KCNAB1: variants seen among roughly 807,000 people sequenced by gnomAD.
KCNAB1 encodes potassium voltage-gated channel subfamily A regulatory beta subunit 1, also known as voltage-gated potassium channel subunit beta-1.
A neutral mutation model predicts 64.6 loss-of-function variants in KCNAB1; 35 were observed. The observed-to-expected ratio is 0.54, with a 90% confidence interval of 0.41 to 0.72. The LOEUF is 0.72. Ranked by LOEUF, KCNAB1 falls within the 30% of genes least tolerant of loss-of-function variation. The pLI, the probability that KCNAB1 is intolerant of heterozygous loss-of-function variation, is 0.00. For missense variants in KCNAB1, 401 were observed against 512.9 expected (o/e 0.78, Z 2.11); for synonymous variants, 177 against 183.8 (o/e 0.96, Z 0.30).
intron 13 of KCNAB1, among the ~76,000 whole-genome samples, chr3:156,532,128 T>G (rs1237504407): frequency 6.6e-6 from 1 of 152,196 alleles, no homozygotes; most frequent in African/African-American, 2.4e-5. Flanking sequence ...ATTTTGGACT[T>G]CCAGGATCAC....
At chr3:156,329,013 T>A (rs1000496938) in intron 1 of KCNAB1, among the ~76,000 whole-genome samples, 21 of 152,112 alleles carry the variant, frequency 1.4e-4, no homozygotes, top group African/African-American at 4.8e-4. Flanking sequence ...CTATAGTGAG[T>A]TCTTTTCTAA....
intron 1 of KCNAB1, among the ~76,000 whole-genome samples, chr3:156,248,563 T>A (rs1717609828): frequency 6.6e-6 from 1 of 150,804 alleles, no homozygotes; most frequent in South Asian, 2.1e-4. Flanking sequence ...GTAAGTACTA[T>A]AGAATGAATG....
intron 1 of KCNAB1, among the ~76,000 whole-genome samples, chr3:156,371,011 C>A (rs1691172375): frequency 6.6e-6 from 1 of 152,184 alleles, no homozygotes; most frequent in Non-Finnish European, 1.5e-5. Flanking sequence ...TTGGATGGTC[C>A]TGTGTTCCAT....
At chr3:156,504,756 T>TC in intron 8 of KCNAB1, among the ~76,000 whole-genome samples, 1 of 151,024 alleles carries the variant, frequency 6.6e-6, no homozygotes, top group East Asian at 1.9e-4. Flanking sequence ...TTTTTGTTTT[T>TC]TTTTTTTTGC....
At chr3:156,172,297 G>A (rs879824543) in intron 1 of KCNAB1, among the ~76,000 whole-genome samples, 1 of 66,156 alleles carries the variant, frequency 1.5e-5, no homozygotes, top group East Asian at 5.7e-4. Flanking sequence ...TTTTTTTTTT[G>A]GAGACAGAGT....
chr3:156,392,459 T>TA (rs1251425255), intron 1 of KCNAB1, among the ~76,000 whole-genome samples: 5 of 152,212 alleles, frequency 3.3e-5, no homozygotes, highest in African/African-American at 1.2e-4. Context: ...ATCACTCACT[T>TA]ACTAATTTCT....
At chr3:156,513,807 C>G (rs1044949741) in intron 8 of KCNAB1, among the ~76,000 whole-genome samples, 6 of 152,154 alleles carry the variant, frequency 3.9e-5, no homozygotes, top group African/African-American at 1.4e-4. Context: ...AAGCTGTGAG[C>G]CACGGTGACT....
intron 1 of KCNAB1, among the ~76,000 whole-genome samples, chr3:156,282,158 A>G (rs1262871621): frequency 1.4e-5 from 2 of 144,688 alleles, no homozygotes; most frequent in African/African-American, 5.3e-5. Flanking sequence ...AGATTCTGGT[A>G]TGTTGTGTCT....
chr3:156,457,538 T>C lies in KCNAB1; in HGVS notation c.437+6T>C, dbSNP rs777553940. The C allele has an allele frequency of 3.1e-6, 5 of 1,611,718 alleles. No individual in the cohort carries two copies. The East Asian group carries it at 8.9e-5, about 29-fold the overall frequency. On this transcript the variant is annotated splice_donor_region_variant and intron_variant, in intron 4 of 13. Transcript: ENST00000490337. ...GAAGTCTATGCTGCTGGAAAGTAAG[T>C]CAGTACCTGTTTGTGTCACTCAAAT...
intron 1 of KCNAB1, among the ~76,000 whole-genome samples, chr3:156,295,609 G>A (rs1189582202): frequency 6.6e-6 from 1 of 152,142 alleles, no homozygotes; most frequent in Non-Finnish European, 1.5e-5. Flanking sequence ...AGAACATTCT[G>A]GCATTCCAAA....
intron 1 of KCNAB1, among the ~76,000 whole-genome samples, chr3:156,177,500 C>T (rs907925908): frequency 6.6e-6 from 1 of 151,900 alleles, no homozygotes; most frequent in Admixed American, 6.6e-5. Flanking sequence ...CCTCATACTC[C>T]GGAGTAGCTG....
chr3:156,155,923 C>T (rs1290485860), intron 1 of KCNAB1, among the ~76,000 whole-genome samples: 1 of 152,190 alleles, frequency 6.6e-6, no homozygotes, highest in Non-Finnish European at 1.5e-5. Context: ...ATTGTCCTTT[C>T]CCACTGGAGT....
At chr3:156,358,160 A>G (rs1475502266) in intron 1 of KCNAB1, among the ~76,000 whole-genome samples, 1 of 152,230 alleles carries the variant, frequency 6.6e-6, no homozygotes, top group Non-Finnish European at 1.5e-5. Flanking sequence ...AATCCTTTTC[A>G]TCTTTGAGCC....
At chr3:156,199,184 T>A (rs1453949700) in intron 1 of KCNAB1, among the ~76,000 whole-genome samples, 1 of 152,220 alleles carries the variant, frequency 6.6e-6, no homozygotes, top group African/African-American at 2.4e-5. Flanking sequence ...TGCAGAGATA[T>A]CTGCTATTCA....
chr3:156,424,411 T>A (rs1433219869), intron 2 of KCNAB1, among the ~76,000 whole-genome samples: 1 of 152,166 alleles, frequency 6.6e-6, no homozygotes. Flanking sequence ...TAAGGTAATT[T>A]GACATTTGCT....
At chr3:156,249,563 A>T (rs1179362942) in intron 1 of KCNAB1, among the ~76,000 whole-genome samples, 3 of 151,468 alleles carry the variant, frequency 2.0e-5, no homozygotes, top group Admixed American at 2.0e-4. Flanking sequence ...CTCTGTCTAA[A>T]AAAAAAAGAA....
chr3:156,488,445 T>C (rs768596868), intron 8 of KCNAB1, among the ~76,000 whole-genome samples: 1 of 152,086 alleles, frequency 6.6e-6, no homozygotes, highest in Non-Finnish European at 1.5e-5. Context: ...TACTTCTGGC[T>C]GTAGAAACAG....
rs146957559 is a variant in KCNAB1 at position 156,267,660 on chromosome 3, T to G, written c.275+146774T>G. Among the ~76,000 whole-genome samples the G allele has an allele frequency of 5.6e-3, 849 of 152,314 alleles. 9 individuals carry two copies. The highest frequency in any genetic ancestry group is 0.016 in the South Asian group (79 of 4,822). On this transcript the variant is annotated intron_variant, in intron 1 of 13. Coordinates refer to ENST00000490337, the MANE Select transcript of KCNAB1 (RefSeq NM_172160.3). ...CAACCTCCCCATTGAAGCCGCTCTATCTGCTGGTAGAGTCTTCCTCTCCTA... is the reference window on the plus strand; with the variant it reads ...CAACCTCCCCATTGAAGCCGCTCTAGCTGCTGGTAGAGTCTTCCTCTCCTA...
intron 8 of KCNAB1, among the ~76,000 whole-genome samples, chr3:156,496,762 G>A (rs1716040348): frequency 6.6e-6 from 1 of 152,074 alleles, no homozygotes; most frequent in Non-Finnish European, 1.5e-5. Flanking sequence ...GAAAATAAGG[G>A]AAAACAGCCA....
Sources: allele counts gnomAD v4.1 joint callset (sites outside exome capture counted in the v4.1 genomes callset), GRCh38; gene constraint gnomAD v4.1.1; transcripts MANE v1.5; gene names NCBI Gene and HGNC (gene_info 2026-07-23, HGNC 2026-07-21).